Variants in TAOK1 observed in about 807,000 individuals in gnomAD.
The protein encoded by TAOK1 is serine/threonine-protein kinase TAO1.
TAOK1 carries 21 observed loss-of-function variants against 138.3 expected under a neutral mutation model. The observed-to-expected ratio is 0.15, with a 90% CI of 0.11 to 0.22. The LOEUF (loss-of-function observed/expected upper bound fraction) is 0.22, where lower values mean the gene tolerates loss of function less well. Among genes scored for constraint, TAOK1 ranks in the 10% least tolerant of loss-of-function variants. The pLI is 1.00. For synonymous variants in TAOK1, 361 were observed against 398.4 expected, an observed-to-expected ratio of 0.91 and a Z score of 1.12; for missense variants, 651 against 1,227.7, an observed-to-expected ratio of 0.53 and a Z score of 7.02.
chr17:29,479,418 C>T (rs576336675), intron 6 of TAOK1, among the ~76,000 whole-genome samples: 1 of 151,572 alleles, frequency 6.6e-6, no homozygotes, highest in Non-Finnish European at 1.5e-5. Context: ...GAGATACCCA[C>T]AAGCTAGTAA....
intron 18 of TAOK1, among the ~76,000 whole-genome samples, chr17:29,532,354 GGTT>G (rs2032132905): frequency 7.0e-6 from 1 of 143,074 alleles, no homozygotes; most frequent in African/African-American, 2.6e-5. Context: ...GTTTGTTTGT[GGTT>G]TTTTTTTTTT....
At chr17:29,429,307 T>C (rs1201507228) in intron 1 of TAOK1, among the ~76,000 whole-genome samples, 2 of 152,114 alleles carry the variant, frequency 1.3e-5, no homozygotes, top group African/African-American at 2.4e-5. Flanking sequence ...TTCTTTTCTT[T>C]GTTTTTTTGG....
At chr17:29,473,811 C>A (rs1000834586) in intron 3 of TAOK1, among the ~76,000 whole-genome samples, 1 of 151,838 alleles carries the variant, frequency 6.6e-6, no homozygotes, top group African/African-American at 2.4e-5. Context: ...ACTGCAGCCT[C>A]CGCCTCCTGG....
At chr17:29,406,234 T>A (rs1194787608) in intron 1 of TAOK1, among the ~76,000 whole-genome samples, 1 of 152,098 alleles carries the variant, frequency 6.6e-6, no homozygotes, top group Non-Finnish European at 1.5e-5. Flanking sequence ...GTTTCAGGTA[T>A]TACCAAATGT....
At chr17:29,403,404 T>C (rs1904905936) in intron 1 of TAOK1, among the ~76,000 whole-genome samples, 1 of 152,182 alleles carries the variant, frequency 6.6e-6, no homozygotes, top group African/African-American at 2.4e-5. Flanking sequence ...TTGGGGAATT[T>C]AGGGTTACTG....
At chr17:29,456,764 C>G (rs971928415) in intron 2 of TAOK1, among the ~76,000 whole-genome samples, 1 of 150,458 alleles carries the variant, frequency 6.6e-6, no homozygotes, top group African/African-American at 2.5e-5. Flanking sequence ...AACGGAGTCT[C>G]GCTCTGTCGC....
intron 7 of TAOK1, 102 bp from the exon 8 acceptor site, chr17:29,482,095 A>G (rs2031077049): frequency 2.5e-6 from 2 of 792,778 alleles, no homozygotes; most frequent in East Asian, 5.4e-5. Flanking sequence ...TATATTGGCT[A>G]GAATTCAAAC....
chr17:29,511,136 ATTATAATCAGT>A, intron 15 of TAOK1, 144 bp downstream of exon 15: 1 of 592,102 alleles, frequency 1.7e-6, no homozygotes, highest in East Asian at 3.3e-5. Flanking sequence ...GATGACATTG[ATTATAATCAGT>A]TACCCTTAAC....
intron 16 of TAOK1, among the ~76,000 whole-genome samples, chr17:29,520,333 T>C (rs2031892095): frequency 1.3e-5 from 2 of 152,054 alleles, no homozygotes; most frequent in South Asian, 2.1e-4. Context: ...CTCACACCTA[T>C]AATTCCAACA....
intron 18 of TAOK1, among the ~76,000 whole-genome samples, chr17:29,531,895 C>G (rs1220187051): frequency 2.7e-5 from 4 of 146,722 alleles, no homozygotes; most frequent in African/African-American, 1.0e-4. Flanking sequence ...GAGTCTCGCT[C>G]TGTCACCCAG....
intron 3 of TAOK1, among the ~76,000 whole-genome samples, chr17:29,467,959 T>TG (rs2030713545): frequency 6.6e-6 from 1 of 150,942 alleles, no homozygotes. Context: ...CCAGAGTATC[T>TG]GGGATTACAG....
At position 29,467,229 on chromosome 17, in the gene TAOK1, T is replaced by G. The variant is rs375708714; in HGVS notation, c.204+13T>G. The G allele has an allele frequency of 7.2e-6, 11 of 1,519,792 alleles. No individual in the cohort carries two copies. In the Admixed American group the frequency reaches 2.1e-4, roughly 29 times the overall value. The allele number at this position is 1,519,792 out of a possible 1,614,324, so 94.1% of individuals were successfully genotyped here. On this transcript the variant is annotated intron_variant, in intron 3 of 19. Transcript: ENST00000261716. ...GCAGTCTACTGAGGTAGGTTAAATA[T>G]GTACATTCTTGTTTTTTTCTTATAT...
intron 1 of TAOK1, among the ~76,000 whole-genome samples, chr17:29,426,240 A>G (rs138269456): frequency 7.3e-4 from 111 of 152,346 alleles, no homozygotes; most frequent in African/African-American, 2.5e-3. Flanking sequence ...TTTAGGTGCT[A>G]TGTAGTAGGT....
At chr17:29,524,604 T>C (rs1339934504) in intron 17 of TAOK1, among the ~76,000 whole-genome samples, 1 of 152,244 alleles carries the variant, frequency 6.6e-6, no homozygotes, top group Non-Finnish European at 1.5e-5. Context: ...AATCACCATT[T>C]TCCTCATATT....
At chr17:29,515,979 G>A (rs570062047) in intron 15 of TAOK1, among the ~76,000 whole-genome samples, 42 of 151,466 alleles carry the variant, frequency 2.8e-4, no homozygotes, top group African/African-American at 9.5e-4. Flanking sequence ...ATTTTGAGAC[G>A]GAGTTTTGCT....
intron 1 of TAOK1, among the ~76,000 whole-genome samples, chr17:29,407,247 A>G (rs1905020332): frequency 6.6e-6 from 1 of 152,062 alleles, no homozygotes; most frequent in Admixed American, 6.6e-5. Flanking sequence ...TTGGCCTCCC[A>G]AAGTGCTGGG....
At chr17:29,530,962 A>ATTTTTTTTTTTTTTTTTTTTTTTT (rs66788063) in intron 18 of TAOK1, among the ~76,000 whole-genome samples, 1 of 96,192 alleles carries the variant, frequency 1.0e-5, no homozygotes, top group African/African-American at 4.4e-5. Context: ...ACAAGTACAA[A>ATTTTTTTTTTTTTTTTTTTTTTTT]TTTTTTTTTT....
At chr17:29,420,629 A>T (rs556201129) in intron 1 of TAOK1, among the ~76,000 whole-genome samples, 6 of 128,474 alleles carry the variant, frequency 4.7e-5, no homozygotes, top group African/African-American at 1.8e-4. Context: ...CTTGTTGCCC[A>T]GGCTAGAGTG....
At chr17:29,440,618 C>T (rs906893637) in intron 1 of TAOK1, among the ~76,000 whole-genome samples, 1 of 151,716 alleles carries the variant, frequency 6.6e-6, no homozygotes, top group Non-Finnish European at 1.5e-5. Flanking sequence ...CTCTTTTGCC[C>T]AGGCTGGAGT....
Sources: gnomAD v4.1 joint callset for allele counts (sites outside exome capture counted in the v4.1 genomes callset) on GRCh38, gnomAD v4.1.1 for gene constraint, MANE v1.5 for transcripts, NCBI Gene and HGNC (gene_info 2026-07-23, HGNC 2026-07-21) for gene names.